CTNNA2: variants seen among roughly 807,000 people sequenced by gnomAD.
CTNNA2 encodes the protein catenin alpha 2.
Under a neutral mutation model 101.0 loss-of-function variants are expected in CTNNA2, and 42 were observed. The ratio of observed to expected loss-of-function variants is 0.42; its 90% confidence interval spans 0.32 to 0.54. The LOEUF (loss-of-function observed/expected upper bound fraction) is 0.54, where lower values mean the gene tolerates loss of function less well. Among genes scored for constraint, CTNNA2 ranks in the 20% least tolerant of loss-of-function variants. The pLI, the probability that CTNNA2 is intolerant of heterozygous loss-of-function variation, is 0.14. For missense variants in CTNNA2, 871 were observed against 1,223.1 expected (o/e 0.71, Z 4.29); for synonymous variants, 450 against 456.4 (o/e 0.99, Z 0.18).
At chr2:79,373,694 C>T (rs1268600643) in intron 3 of CTNNA2, 1 of 152,102 alleles carries the variant, frequency 6.6e-6, no homozygotes, top group Non-Finnish European at 1.5e-5. Flanking sequence ...CAGTGAGTTA[C>T]ACAGACCTTA....
chr2:80,045,124 A>G (rs2104299677), intron 7 of CTNNA2, among the ~76,000 whole-genome samples: 1 of 152,280 alleles, frequency 6.6e-6, no homozygotes, highest in African/African-American at 2.4e-5. Context: ...GGCTTTCCCT[A>G]GAATGTCCCA....
intron 8 of CTNNA2, among the ~76,000 whole-genome samples, chr2:80,400,914 A>G (rs954108582): frequency 6.6e-6 from 1 of 152,154 alleles, no homozygotes; most frequent in Non-Finnish European, 1.5e-5. Context: ...ACAGTATCAT[A>G]AGCCAGTGTT....
At chr2:80,451,101 T>C (rs1683470985) in intron 9 of CTNNA2, among the ~76,000 whole-genome samples, 1 of 152,072 alleles carries the variant, frequency 6.6e-6, no homozygotes, top group Non-Finnish European at 1.5e-5. Context: ...TCCCATGTGA[T>C]TTTGTGCCAC....
intron 11 of CTNNA2, among the ~76,000 whole-genome samples, chr2:80,552,913 A>G (rs1477290181): frequency 6.6e-6 from 1 of 152,156 alleles, no homozygotes; most frequent in East Asian, 1.9e-4. Context: ...TTAAAAATTT[A>G]TTTATAAAAA....
rs142344514 is a variant in CTNNA2 at position 79,865,635 on chromosome 2, T to C, written c.466-4181T>C. On this transcript the variant is annotated intron_variant, in intron 4 of 18. Coordinates refer to ENST00000402739, the MANE Select transcript of CTNNA2 (RefSeq NM_001282597.3). ...TGTATCAGACTCCTCAATTCCACAC[T>C]ATCCCATCCCCAGATGCCGACCTTA... is the stretch of plus-strand genomic sequence containing the variant. 2.3e-3 allele frequency among the ~76,000 whole-genome samples: 343 copies of C among 152,336 alleles called. 4 individuals carry two copies. Among genetic ancestry groups the C allele is most frequent in the African/African-American group, 8.0e-3 (331 of 41,582 alleles).
At chr2:79,938,517 T>C (rs959996609) in intron 7 of CTNNA2, among the ~76,000 whole-genome samples, 1 of 152,234 alleles carries the variant, frequency 6.6e-6, no homozygotes, top group African/African-American at 2.4e-5. Flanking sequence ...AATATTATTA[T>C]CCAACATTTT....
intron 7 of CTNNA2, among the ~76,000 whole-genome samples, chr2:80,078,230 C>T (rs896695801): frequency 2.6e-5 from 4 of 152,132 alleles, no homozygotes; most frequent in African/African-American, 9.7e-5. Flanking sequence ...GGCAAGCTGA[C>T]GAGCTTGAAA....
chr2:80,376,290 T>A (rs374218295), intron 7 of CTNNA2, among the ~76,000 whole-genome samples: 1 of 152,172 alleles, frequency 6.6e-6, no homozygotes, highest in African/African-American at 2.4e-5. Flanking sequence ...GAGGTTTCCA[T>A]CTTGCCTTTC....
At position 80,303,076 on chromosome 2, in the gene CTNNA2, C is replaced by T; in HGVS notation, c.1057-90135C>T. On this transcript the variant is annotated intron_variant, in intron 7 of 18. Transcript: ENST00000402739. The surrounding 1 kb of genome is among the most constrained non-coding windows in gnomAD (Gnocchi z 7.7). ...TCCAAACCCAGTCCAGCGAGCTGAC[C>T]ACAATGGCCACCTTGTTCCTCCGCA... 1 of 1,613,960 alleles carries T rather than the reference C, an allele frequency of 6.2e-7. No homozygotes were observed. Among genetic ancestry groups the T allele is most frequent in the Non-Finnish European group, 8.5e-7 (1 of 1,180,022 alleles).
At chr2:79,711,472 T>TA (rs1685733663) in intron 2 of CTNNA2, among the ~76,000 whole-genome samples, 1 of 152,180 alleles carries the variant, frequency 6.6e-6, no homozygotes, top group Admixed American at 6.5e-5. Context: ...GGAACTGAGA[T>TA]AAAATAGCTA....
intron 7 of CTNNA2, among the ~76,000 whole-genome samples, chr2:80,031,749 T>A (rs1695304667): frequency 6.6e-6 from 1 of 152,244 alleles, no homozygotes; most frequent in South Asian, 2.1e-4. Flanking sequence ...CCTATATAAT[T>A]CAACATGCAT....
chr2:79,687,539 A>G (rs566248763), intron 2 of CTNNA2: 15 of 698,988 alleles, frequency 2.1e-5, no homozygotes, highest in Non-Finnish European at 3.2e-5. Flanking sequence ...AGAACTGAAT[A>G]CACATTGTTT....
chr2:80,069,178 T>C (rs964127279), intron 7 of CTNNA2, among the ~76,000 whole-genome samples: 17 of 152,152 alleles, frequency 1.1e-4, no homozygotes, highest in African/African-American at 4.1e-4. Flanking sequence ...TCACCCTTTT[T>C]CCACCTTTAT....
intron 7 of CTNNA2, among the ~76,000 whole-genome samples, chr2:79,970,475 C>T: frequency 6.6e-6 from 1 of 152,140 alleles, no homozygotes; most frequent in Non-Finnish European, 1.5e-5. Flanking sequence ...CAGTCTCAGC[C>T]TGTTATTCTC....
intron 9 of CTNNA2, among the ~76,000 whole-genome samples, chr2:80,450,301 A>G (rs1240626521): frequency 6.6e-6 from 1 of 152,066 alleles, no homozygotes; most frequent in Non-Finnish European, 1.5e-5. Context: ...TTGTAACCAT[A>G]ATAGCTTTTT....
chr2:79,395,677 A>G (rs1400486514), intron 4 of CTNNA2, among the ~76,000 whole-genome samples: 1 of 152,214 alleles, frequency 6.6e-6, no homozygotes, highest in Non-Finnish European at 1.5e-5. Context: ...AATAATTATA[A>G]AAGTATCAAG....
intron 2 of CTNNA2, among the ~76,000 whole-genome samples, chr2:79,736,346 A>G (rs1670876577): frequency 6.6e-6 from 1 of 152,196 alleles, no homozygotes; most frequent in African/African-American, 2.4e-5. Flanking sequence ...TATCATTGCT[A>G]AAGGAATAAA....
chr2:79,973,829 G>A (rs478083), intron 7 of CTNNA2, among the ~76,000 whole-genome samples: 107,947 of 151,656 alleles, frequency 0.71, 39,262 homozygotes, highest in Non-Finnish European at 0.8. Flanking sequence ...TGGACAGGCA[G>A]TTGCTGGGCT....
intron 13 of CTNNA2, among the ~76,000 whole-genome samples, chr2:80,576,082 T>C (rs1558605696): frequency 6.6e-6 from 1 of 152,160 alleles, no homozygotes; most frequent in African/African-American, 2.4e-5. Context: ...ACAAGTAGAA[T>C]TGTTTCTTTC....
Sources: allele counts gnomAD v4.1 joint callset (sites outside exome capture counted in the v4.1 genomes callset), GRCh38; gene constraint gnomAD v4.1.1; non-coding constraint Gnocchi (gnomAD v3.1); transcripts MANE v1.5; gene names NCBI Gene and HGNC (gene_info 2026-07-23, HGNC 2026-07-21).